The following C12orf42 variants were observed in gnomAD, a reference collection of about 807,000 sequenced individuals.
C12orf42 encodes the protein uncharacterized protein C12orf42.
Under a neutral mutation model 21.6 loss-of-function variants are expected in C12orf42, and 25 were observed. The observed-to-expected ratio is 1.16, with a 90% confidence interval of 0.84 to 1.62. C12orf42 has a LOEUF of 1.62. C12orf42 is among the 40% of genes most tolerant of loss of function. C12orf42 has a pLI of 0.00. For missense variants in C12orf42, 483 were observed against 459.3 expected, an observed-to-expected ratio of 1.05 and a Z score of -0.47; for synonymous variants, 174 against 175.0, an observed-to-expected ratio of 0.99 and a Z score of 0.05.
At chr12:103,100,557 A>G in the C12orf42 span, among the ~76,000 whole-genome samples, 20 of 152,214 alleles carry the variant, frequency 1.3e-4, no homozygotes, top group African/African-American at 4.6e-4. Flanking sequence ...TAGGCCCAGA[A>G]CCACCCGGAC....
chr12:103,227,815 G>A, the C12orf42 span, among the ~76,000 whole-genome samples: 12 of 152,204 alleles, frequency 7.9e-5, no homozygotes, highest in East Asian at 5.8e-4. Context: ...TTGGGTCCAC[G>A]GATAAAATGT....
chr12:103,056,209 T>C, the C12orf42 span, among the ~76,000 whole-genome samples: 4 of 152,174 alleles, frequency 2.6e-5, no homozygotes, highest in African/African-American at 9.6e-5. Flanking sequence ...GCTCAAATTT[T>C]GCAGCTCTGT....
intron 2 of C12orf42, among the ~76,000 whole-genome samples, chr12:103,421,639 T>C (rs1406603506): frequency 6.6e-6 from 1 of 151,822 alleles, no homozygotes; most frequent in Non-Finnish European, 1.5e-5. Flanking sequence ...GATCAACTAG[T>C]AGCAAATGAA....
chr12:103,498,067 T>G (rs757739325), upstream of C12orf42, among the ~76,000 whole-genome samples: 58 of 152,162 alleles, frequency 3.8e-4, no homozygotes, highest in Non-Finnish European at 7.9e-4. Context: ...AGAAAACTAT[T>G]CATTTATTGA....
the C12orf42 span, among the ~76,000 whole-genome samples, chr12:103,204,783 A>T: frequency 6.6e-6 from 1 of 152,190 alleles, no homozygotes; most frequent in African/African-American, 2.4e-5. Context: ...AATTTTGATT[A>T]CCTTAAAATT....
the C12orf42 span, among the ~76,000 whole-genome samples, chr12:103,083,044 GA>G: frequency 1.3e-5 from 2 of 152,128 alleles, no homozygotes; most frequent in African/African-American, 4.8e-5. Context: ...GCCTCGGGTA[GA>G]CTATAGGCAA....
the C12orf42 span, among the ~76,000 whole-genome samples, chr12:103,061,792 G>A: frequency 6.6e-6 from 1 of 150,946 alleles, no homozygotes; most frequent in Non-Finnish European, 1.5e-5. Context: ...ACACACAGTT[G>A]TGTTTTTACC....
chr12:103,410,267 G>A (rs187761485), intron 2 of C12orf42, among the ~76,000 whole-genome samples: 3 of 152,248 alleles, frequency 2.0e-5, no homozygotes, highest in Admixed American at 2.0e-4. Flanking sequence ...CTAAAAGGAG[G>A]CTTAATTTTG....
upstream of C12orf42, among the ~76,000 whole-genome samples, chr12:103,500,134 G>GA (rs1488337615): frequency 6.6e-6 from 1 of 152,086 alleles, no homozygotes; most frequent in African/African-American, 2.4e-5. Flanking sequence ...AAAAGTTTAT[G>GA]AAAAAACACA....
the C12orf42 span, among the ~76,000 whole-genome samples, chr12:103,096,647 A>G: frequency 6.6e-6 from 1 of 152,378 alleles, no homozygotes; most frequent in East Asian, 1.9e-4. Flanking sequence ...GTAATTATTA[A>G]TGAACAATAG....
intron 5 of C12orf42, among the ~76,000 whole-genome samples, chr12:103,275,539 G>A (rs185863748): frequency 6.6e-6 from 1 of 152,008 alleles, no homozygotes; most frequent in Non-Finnish European, 1.5e-5. Context: ...TAGATAAATT[G>A]CTCTATAACA....
chr12:103,209,487 G>C, the C12orf42 span, among the ~76,000 whole-genome samples: 2 of 152,162 alleles, frequency 1.3e-5, no homozygotes, highest in African/African-American at 4.8e-5. Flanking sequence ...TTGTTAATGT[G>C]TGTTACACAT....
chr12:103,104,738 T>G, the C12orf42 span, among the ~76,000 whole-genome samples: 2 of 152,234 alleles, frequency 1.3e-5, no homozygotes, highest in African/African-American at 4.8e-5. Flanking sequence ...TGGCCGGGTT[T>G]TCCATGTTTA....
intron 4 of C12orf42, among the ~76,000 whole-genome samples, chr12:103,358,858 T>A (rs2043820476): frequency 6.6e-6 from 1 of 151,988 alleles, no homozygotes; most frequent in African/African-American, 2.4e-5. Flanking sequence ...ACAACAACAG[T>A]GTGATCATTT....
At chr12:103,550,911 T>G in the C12orf42 span, among the ~76,000 whole-genome samples, 1 of 152,054 alleles carries the variant, frequency 6.6e-6, no homozygotes, top group Non-Finnish European at 1.5e-5. Flanking sequence ...TTTTTCAATT[T>G]TTGCCCTTAA....
intron 1 of C12orf42, among the ~76,000 whole-genome samples, chr12:103,490,790 G>T: frequency 6.6e-6 from 1 of 151,576 alleles, no homozygotes; most frequent in Admixed American, 6.6e-5. Context: ...AACATTATAA[G>T]GAGTAGTTTT....
At chr12:103,070,337 G>A in the C12orf42 span, among the ~76,000 whole-genome samples, 1 of 151,894 alleles carries the variant, frequency 6.6e-6, no homozygotes, top group African/African-American at 2.4e-5. Context: ...TTTTAGTGGT[G>A]GTTTTCAGCT....
chr12:103,120,103 T>C, the C12orf42 span, among the ~76,000 whole-genome samples: 1 of 152,198 alleles, frequency 6.6e-6, no homozygotes, highest in Non-Finnish European at 1.5e-5. Context: ...GAATAATCTT[T>C]TATGGAGCAC....
downstream of C12orf42, among the ~76,000 whole-genome samples, chr12:103,300,163 T>C (rs886963250): frequency 3.9e-5 from 6 of 152,382 alleles, no homozygotes; most frequent in South Asian, 1.2e-3. Flanking sequence ...TACAAAGTAC[T>C]GATAAGTTTT....
Sources: allele counts gnomAD v4.1 joint callset (sites outside exome capture counted in the v4.1 genomes callset), GRCh38; gene constraint gnomAD v4.1.1; transcripts MANE v1.5; gene names NCBI Gene and HGNC (gene_info 2026-07-23, HGNC 2026-07-21).